HSD17B12: variants seen among roughly 807,000 people sequenced by gnomAD.
HSD17B12 encodes very-long-chain 3-oxoacyl-CoA reductase.
A neutral mutation model predicts 39.3 loss-of-function variants in HSD17B12; 32 were observed. The observed-to-expected ratio is 0.81, with a 90% CI of 0.61 to 1.09. HSD17B12 has a LOEUF of 1.09. HSD17B12 is among the 50% of genes least tolerant of loss of function. The pLI is 0.00. For synonymous variants in HSD17B12, 150 were observed against 146.7 expected (o/e 1.02, Z -0.16); for missense variants, 342 against 382.9 (o/e 0.89, Z 0.89).
At chr11:43,734,194 G>C in intron 1 of HSD17B12, 2 of 1,572,502 alleles carry the variant, frequency 1.3e-6, no homozygotes, top group South Asian at 2.3e-5. Context: ...TGGTCTCCAG[G>C]CAGGTGAGCG....
At chr11:43,684,912 A>T (rs1192669246) in intron 1 of HSD17B12, among the ~76,000 whole-genome samples, 1 of 152,190 alleles carries the variant, frequency 6.6e-6, no homozygotes, top group East Asian at 1.9e-4. Context: ...CTGTCTACGT[A>T]GGTTTGCCTG....
intron 1 of HSD17B12, among the ~76,000 whole-genome samples, chr11:43,742,322 T>G (rs1046134465): frequency 4.0e-5 from 6 of 151,250 alleles, no homozygotes; most frequent in Non-Finnish European, 8.8e-5. Context: ...AGTTTTTTTT[T>G]GTAGGATTGG....
rs571977276 is a variant in HSD17B12, at chr11:43,771,841, G to A, written c.283+17720G>A. Among the ~76,000 whole-genome samples, 152 of 152,032 alleles carry A rather than the reference G, an allele frequency of 1.0e-3. 1 individual carries two copies. Among genetic ancestry groups the A allele is most frequent in the Non-Finnish European group, 1.9e-3 (132 of 68,004 alleles). ...TCAAGATCTTTGGTACTGAGATACC[G>A]AGTACATTTCTCAAGATCATATTAC... On this transcript the variant is annotated intron_variant, in intron 3 of 10. Transcript: ENST00000278353.
the HSD17B12 span, among the ~76,000 whole-genome samples, chr11:43,623,253 T>A: frequency 6.6e-6 from 1 of 152,164 alleles, no homozygotes; most frequent in African/African-American, 2.4e-5. Context: ...AGTCTTCCTT[T>A]ATCAGTATAG....
the HSD17B12 span, among the ~76,000 whole-genome samples, chr11:43,557,453 G>A: frequency 3.9e-5 from 6 of 152,254 alleles, no homozygotes; most frequent in Non-Finnish European, 7.4e-5. Context: ...TGATGGGAGC[G>A]GTAATATGTC....
chr11:43,849,594 C>T (rs1951512165), intron 9 of HSD17B12, among the ~76,000 whole-genome samples: 1 of 152,172 alleles, frequency 6.6e-6, no homozygotes, highest in African/African-American at 2.4e-5. Flanking sequence ...TCTCTTTGTT[C>T]AGATCTTTGG....
intron 3 of HSD17B12, among the ~76,000 whole-genome samples, chr11:43,768,303 T>C (rs1950615432): frequency 6.6e-6 from 1 of 152,238 alleles, no homozygotes; most frequent in African/African-American, 2.4e-5. Context: ...AGTTATTATA[T>C]TATTTAATTG....
chr11:43,705,512 A>G (rs1161685278), intron 1 of HSD17B12, among the ~76,000 whole-genome samples: 1 of 152,192 alleles, frequency 6.6e-6, no homozygotes, highest in Admixed American at 6.5e-5. Context: ...CTATGAAGTG[A>G]GGCTGAGTGG....
intron 6 of HSD17B12, among the ~76,000 whole-genome samples, chr11:43,818,906 TC>T (rs1951155438): frequency 6.6e-6 from 1 of 152,196 alleles, no homozygotes; most frequent in Non-Finnish European, 1.5e-5. Context: ...AGGTTTTTGA[TC>T]AAAAATATCA....
At chr11:43,626,997 G>T in the HSD17B12 span, among the ~76,000 whole-genome samples, 1 of 151,968 alleles carries the variant, frequency 6.6e-6, no homozygotes, top group Admixed American at 6.6e-5. Context: ...GTGCTGAAGG[G>T]TTACATGACT....
chr11:43,845,132 C>T (rs910483233), intron 9 of HSD17B12, among the ~76,000 whole-genome samples: 1 of 152,114 alleles, frequency 6.6e-6, no homozygotes. Context: ...TGGCTAGGAC[C>T]GCAGGCACAT....
At chr11:43,791,538 A>C (rs966451470) in intron 3 of HSD17B12, among the ~76,000 whole-genome samples, 2 of 152,038 alleles carry the variant, frequency 1.3e-5, no homozygotes, top group Non-Finnish European at 2.9e-5. Context: ...TCTCAAAAAA[A>C]AAAAAGAAGA....
the HSD17B12 span, among the ~76,000 whole-genome samples, chr11:43,568,819 G>A: frequency 6.6e-6 from 1 of 152,182 alleles, no homozygotes; most frequent in Non-Finnish European, 1.5e-5. Context: ...AGACTGTGAA[G>A]CTACCTTCTT....
At chr11:43,572,785 C>A in the HSD17B12 span, among the ~76,000 whole-genome samples, 145 of 152,312 alleles carry the variant, frequency 9.5e-4, 1 homozygote, top group African/African-American at 3.4e-3. Context: ...TTGGTTTCTT[C>A]TCTCTCCCTC....
chr11:43,662,002 C>T, the HSD17B12 span, among the ~76,000 whole-genome samples: 10 of 152,184 alleles, frequency 6.6e-5, no homozygotes, highest in Non-Finnish European at 1.2e-4. Context: ...ATATCCGGTA[C>T]CTCCATTTAT....
chr11:43,568,546 C>G, the HSD17B12 span, among the ~76,000 whole-genome samples: 1 of 152,202 alleles, frequency 6.6e-6, no homozygotes, highest in Non-Finnish European at 1.5e-5. Flanking sequence ...GTTTCCATGA[C>G]AGAAGTGAGG....
intron 1 of HSD17B12, among the ~76,000 whole-genome samples, chr11:43,728,581 A>G (rs1459025457): frequency 1.3e-5 from 2 of 152,026 alleles, no homozygotes; most frequent in Admixed American, 1.3e-4. Context: ...TTTTTTCCCA[A>G]AACAAAAAAT....
chr11:43,615,995 T>G, the HSD17B12 span, among the ~76,000 whole-genome samples: 6 of 152,168 alleles, frequency 3.9e-5, no homozygotes, highest in Admixed American at 2.0e-4. Context: ...TGTTTTTGTA[T>G]CTTTGTGTGA....
At chr11:43,706,438 G>T (rs1456974994) in intron 1 of HSD17B12, among the ~76,000 whole-genome samples, 1 of 152,106 alleles carries the variant, frequency 6.6e-6, no homozygotes, top group Non-Finnish European at 1.5e-5. Flanking sequence ...AGCTACTTTG[G>T]AGGCTGAGGT....
Sources: allele counts gnomAD v4.1 joint callset (sites outside exome capture counted in the v4.1 genomes callset), GRCh38; gene constraint gnomAD v4.1.1; transcripts MANE v1.5; gene names NCBI Gene and HGNC (gene_info 2026-07-23, HGNC 2026-07-21).